Variants in PDE12 observed in about 807,000 individuals in gnomAD.
The protein encoded by PDE12 is phosphodiesterase 12, also known as 2',5'-phosphodiesterase 12.
Under a neutral mutation model 45.4 loss-of-function variants are expected in PDE12, and 26 were observed. The ratio of observed to expected loss-of-function variants is 0.57; its 90% confidence interval spans 0.42 to 0.79. The LOEUF is 0.79. Ranked by LOEUF, PDE12 falls within the 30% of genes least tolerant of loss-of-function variation. PDE12 has a pLI of 0.00. For synonymous variants in PDE12, 283 were observed against 323.9 expected, an observed-to-expected ratio of 0.87 and a Z score of 1.36; for missense variants, 668 against 790.0, an observed-to-expected ratio of 0.85 and a Z score of 1.85.
the PDE12 span, among the ~76,000 whole-genome samples, chr3:57,578,280 C>T: frequency 1.3e-5 from 2 of 151,530 alleles, no homozygotes; most frequent in South Asian, 4.2e-4. Flanking sequence ...CAAGACTGGG[C>T]GCAGTGGCTC....
chr3:57,612,687 C>T, the PDE12 span, among the ~76,000 whole-genome samples: 2 of 150,656 alleles, frequency 1.3e-5, no homozygotes, highest in African/African-American at 4.9e-5. Flanking sequence ...AAGAGAATCA[C>T]TTGAACCGGG....
At chr3:57,637,754 T>A in the PDE12 span, among the ~76,000 whole-genome samples, 26 of 43,620 alleles carry the variant, frequency 6.0e-4, no homozygotes, top group East Asian at 1.7e-3. Flanking sequence ...AAAGAAAAAA[T>A]AAATAAGACT....
the PDE12 span, among the ~76,000 whole-genome samples, chr3:57,623,162 C>A: frequency 6.6e-6 from 1 of 152,220 alleles, no homozygotes; most frequent in Non-Finnish European, 1.5e-5. Context: ...GTAATCCCAG[C>A]ACTTTGGGAG....
the PDE12 span, among the ~76,000 whole-genome samples, chr3:57,607,640 G>C: frequency 3.1e-4 from 47 of 152,250 alleles, no homozygotes; most frequent in African/African-American, 1.1e-3. Flanking sequence ...AAGGGTATCA[G>C]TAATGGAAGA....
Position 57,557,302 on chromosome 3 carries a change from C to G in PDE12, c.923C>G (p.Ala308Gly). ...VSYNILADTY[A>G]QTEFSRTVLY... The stretch of plus-strand genomic sequence containing the variant: ...TACAACATCCTGGCAGACACGTACG[C>G]GCAGACTGAGTTCTCGCGAACGGTT... Residue 308 changes from alanine (A) to glycine (G), a missense_variant, in exon 1 of 3, where the codon GCG becomes GGG. Coordinates refer to ENST00000311180, the MANE Select transcript of PDE12 (RefSeq NM_177966.7). The G allele has an allele frequency of 6.2e-7, 1 of 1,613,908 alleles. No homozygotes were observed. The highest frequency in any genetic ancestry group is 8.5e-7 in the Non-Finnish European group (1 of 1,180,018).
chr3:57,557,565 C>T lies in PDE12; in HGVS notation c.1186C>T (p.Gln396Ter). ...AAAGTCTAAGTTCAGCCTTCTTAGCCAGCATGACATTTCATTCTACGAAGC... is the reference window on the plus strand; with the variant it reads ...AAAGTCTAAGTTCAGCCTTCTTAGCTAGCATGACATTTCATTCTACGAAGC... ...YRKSKFSLLS[Q>*]HDISFYEALE... The change falls in exon 1 of 3, where the codon CAG becomes TAG. Residue 396 changes from glutamine (Q) to a stop codon, truncating the protein, a stop_gained. Coordinates refer to ENST00000311180, the MANE Select transcript of PDE12 (RefSeq NM_177966.7). LOFTEE classifies it high-confidence loss of function. 2 of 1,614,132 alleles carry T rather than the reference C, an allele frequency of 1.2e-6. No individual in the cohort carries two copies. Among genetic ancestry groups the T allele is most frequent in the Non-Finnish European group, 1.7e-6 (2 of 1,180,044 alleles).
chr3:57,631,006 G>A, the PDE12 span: 1 of 1,602,950 alleles, frequency 6.2e-7, no homozygotes, highest in Non-Finnish European at 8.5e-7. Context: ...GTTAATAAAA[G>A]GAGTGTCTTC....
the PDE12 span, among the ~76,000 whole-genome samples, chr3:57,636,346 C>T: frequency 1.3e-5 from 2 of 152,160 alleles, no homozygotes; most frequent in East Asian, 1.9e-4. Context: ...TAAACAGATA[C>T]TTGTTAAAAA....
chr3:57,581,819 G>A, the PDE12 span, among the ~76,000 whole-genome samples: 5 of 152,206 alleles, frequency 3.3e-5, no homozygotes, highest in East Asian at 9.6e-4. Context: ...CTGTCTAGAG[G>A]GTAGAGCACA....
the PDE12 span, chr3:57,634,667 T>A: frequency 2.7e-6 from 4 of 1,496,776 alleles, no homozygotes; most frequent in Admixed American, 8.9e-5. Context: ...CCAAGTACCA[T>A]ATAAATATAT....
At chr3:57,617,672 G>C in the PDE12 span, among the ~76,000 whole-genome samples, 1 of 152,044 alleles carries the variant, frequency 6.6e-6, no homozygotes, top group Non-Finnish European at 1.5e-5. Flanking sequence ...AGGCCAGCCT[G>C]GGCAACACTG....
At chr3:57,614,537 GTTTTTTGTTT>G in the PDE12 span, among the ~76,000 whole-genome samples, 4 of 95,060 alleles carry the variant, frequency 4.2e-5, no homozygotes, top group Non-Finnish European at 8.9e-5. Context: ...TTTTTTTTTT[GTTTTTTGTTT>G]TTTTTTTTTT....
At chr3:57,576,793 T>A in the PDE12 span, among the ~76,000 whole-genome samples, 2 of 152,186 alleles carry the variant, frequency 1.3e-5, no homozygotes, top group South Asian at 4.1e-4. Flanking sequence ...AAAATGCCAC[T>A]GTGAACCAAA....
the PDE12 span, among the ~76,000 whole-genome samples, chr3:57,620,533 A>T: frequency 6.6e-6 from 1 of 152,190 alleles, no homozygotes; most frequent in Non-Finnish European, 1.5e-5. Flanking sequence ...AGAAGAAGTA[A>T]AACAGTCTTT....
chr3:57,653,474 G>A, the PDE12 span, among the ~76,000 whole-genome samples: 22 of 152,026 alleles, frequency 1.4e-4, no homozygotes, highest in Middle Eastern at 6.8e-3. Context: ...GGCCGGGCGC[G>A]GTGGCTCACG....
chr3:57,559,799 GTGCT>G lies in PDE12; in HGVS notation c.1628_1631del (p.Ala543ValfsTer17). 6.2e-7 allele frequency: 1 copy of G among 1,614,202 alleles called. No individual in the cohort carries two copies. Among genetic ancestry groups the G allele is most frequent in the South Asian group, 1.1e-5 (1 of 91,082 alleles). Reference sequence around the variant, plus strand: ...CTTACACATTTCTTCAAGCTGAAAAGTGCTTGTGGTGAACCTGCTTACACAAATT... The same window carrying G: ...CTTACACATTTCTTCAAGCTGAAAAGTGTGGTGAACCTGCTTACACAAATT... On this transcript the variant is annotated frameshift_variant, in exon 3 of 3. Transcript: ENST00000311180. LOFTEE classifies it high-confidence loss of function.
chr3:57,607,062 A>G, the PDE12 span, among the ~76,000 whole-genome samples: 9 of 152,286 alleles, frequency 5.9e-5, no homozygotes, highest in Middle Eastern at 3.4e-3. Flanking sequence ...CAGAGGAACA[A>G]TCAGGCAGCA....
the PDE12 span, among the ~76,000 whole-genome samples, chr3:57,598,530 C>T: frequency 6.6e-6 from 1 of 152,122 alleles, no homozygotes; most frequent in African/African-American, 2.4e-5. Flanking sequence ...GCCTGTAATC[C>T]CAGCACTTTG....
chr3:57,652,580 C>T, the PDE12 span, among the ~76,000 whole-genome samples: 1 of 152,182 alleles, frequency 6.6e-6, no homozygotes, highest in Non-Finnish European at 1.5e-5. Flanking sequence ...TAATTTGTTA[C>T]ACATCAATAA....
Sources: gnomAD v4.1 joint callset for allele counts (sites outside exome capture counted in the v4.1 genomes callset) on GRCh38, gnomAD v4.1.1 for gene constraint, MANE v1.5 for transcripts, NCBI Gene and HGNC (gene_info 2026-07-23, HGNC 2026-07-21) for gene names.